Variants in PRR14L observed in about 807,000 individuals in gnomAD.
PRR14L encodes protein PRR14L.
PRR14L carries 80 observed loss-of-function variants against 155.0 expected under a neutral mutation model. The ratio of observed to expected loss-of-function variants is 0.52; its 90% CI spans 0.43 to 0.62. PRR14L has a LOEUF of 0.62. Ranked by LOEUF, PRR14L falls within the 20% of genes least tolerant of loss-of-function variation. The probability of loss-of-function intolerance (pLI) is 0.00; values close to 1 mark genes in which losing one functional copy is unlikely to be tolerated. For synonymous variants in PRR14L, 883 were observed against 916.0 expected, an observed-to-expected ratio of 0.96 and a Z score of 0.65; for missense variants, 2,469 against 2,548.0, an observed-to-expected ratio of 0.97 and a Z score of 0.67.
chr22:31,701,855 T>C (rs986104657), intron 6 of PRR14L, 93 bp from the exon 7 acceptor site: 1 of 868,392 alleles, frequency 1.2e-6, no homozygotes, highest in Non-Finnish European at 1.8e-6. Context: ...TGGCCCAGGC[T>C]GGTGTGAAGT....
chr22:31,726,535 G>A (rs979571607), intron 2 of PRR14L, among the ~76,000 whole-genome samples: 6 of 152,144 alleles, frequency 3.9e-5, no homozygotes, highest in Non-Finnish European at 7.3e-5. Flanking sequence ...CCAAAGAGCT[G>A]GGATTAAAGG....
rs2074635069 is a variant in PRR14L at position 31,713,401 on chromosome 22, T to G, written c.4438A>C (p.Thr1480Pro). The G allele has an allele frequency of 1.3e-6, 2 of 1,551,818 alleles. No homozygotes were observed. Among genetic ancestry groups the G allele is most frequent in the Admixed American group, 2.0e-5 (1 of 50,974 alleles). Residue 1480 changes from threonine to proline, a missense_variant, in exon 4 of 9, where the codon ACT (threonine) becomes CCT (proline). Coordinates refer to ENST00000327423, the MANE Select transcript of PRR14L (RefSeq NM_173566.3). Reference sequence around the variant, plus strand: ...AGGCAAGGACTTGTGCATGACTCAGTGTCCTTCCTTAATGGATGATGTAAC... The same window carrying G: ...AGGCAAGGACTTGTGCATGACTCAGGGTCCTTCCTTAATGGATGATGTAAC... Reference protein sequence around the residue: ...ERLHHPLRKDTESCTSPCLLG... With the variant: ...ERLHHPLRKDPESCTSPCLLG...
chr22:31,714,774 T>A lies in PRR14L; in HGVS notation c.3065A>T (p.Asn1022Ile). 1.9e-6 allele frequency: 3 copies of A among 1,552,374 alleles called. No homozygotes were observed. Among genetic ancestry groups the A allele is most frequent in the Non-Finnish European group, 2.6e-6 (3 of 1,147,136 alleles). ...TGGACTACCACAAGGTAGTGAGTTA[T>A]TACTGCCTGAGCTGACCAGCAGATC... ...QKDLLVSSGS[N>I]NSLPCGSPKK... The change falls in exon 4 of 9, where the codon AAT (asparagine) becomes ATT (isoleucine). Residue 1022 changes from asparagine (N) to isoleucine (I), a missense_variant. By Grantham distance (149) the Asn-to-Ile change is moderately radical. This residue lies in a region of PRR14L where 2,363 missense variants were observed against 2,371.6 expected (regional missense o/e 1.00). Transcript: ENST00000327423.
At chr22:31,711,546 C>T (rs1345414084) in intron 4 of PRR14L, among the ~76,000 whole-genome samples, 5 of 151,584 alleles carry the variant, frequency 3.3e-5, no homozygotes, top group Admixed American at 6.6e-5. Flanking sequence ...TTTGGGAGGC[C>T]GAGGCAGGTG....
chr22:31,748,169 G>C (rs2074850753), intron 1 of PRR14L, among the ~76,000 whole-genome samples: 1 of 152,164 alleles, frequency 6.6e-6, no homozygotes, highest in Non-Finnish European at 1.5e-5. Context: ...TTTTCACCTT[G>C]AGAAAGGGGC....
At chr22:31,725,132 A>T (rs1264866984) in intron 3 of PRR14L, among the ~76,000 whole-genome samples, 2 of 152,186 alleles carry the variant, frequency 1.3e-5, no homozygotes, top group Non-Finnish European at 2.9e-5. Context: ...GCGGTGGCTC[A>T]TGCCTGTAAT....
chr22:31,710,717 G>A (rs1045622366), intron 4 of PRR14L, among the ~76,000 whole-genome samples: 3 of 152,242 alleles, frequency 2.0e-5, no homozygotes, highest in African/African-American at 7.2e-5. Flanking sequence ...GCCTCCCAAA[G>A]CGCTGGGATT....
At position 31,714,226 on chromosome 22, in the gene PRR14L, T is replaced by C; in HGVS notation, c.3613A>G (p.Asn1205Asp). The C allele has an allele frequency of 1.9e-6, 3 of 1,551,654 alleles. No individual in the cohort carries two copies. Among genetic ancestry groups the C allele is most frequent in the Non-Finnish European group, 2.6e-6 (3 of 1,146,984 alleles). ...GTACTTTCTTTGCCAAACTCAGAGTTTGGTTCTAGTCTTGATCCTTCAGTC... is the reference window on the plus strand; with the variant it reads ...GTACTTTCTTTGCCAAACTCAGAGTCTGGTTCTAGTCTTGATCCTTCAGTC... ...EMTEGSRLEPNSEFGKESTFG... is the reference protein window; with the variant it reads ...EMTEGSRLEPDSEFGKESTFG... Residue 1205 changes from asparagine to aspartate, a missense_variant, in exon 4 of 9, where the codon AAC becomes GAC. Coordinates refer to ENST00000327423, the MANE Select transcript of PRR14L (RefSeq NM_173566.3).
At position 31,710,729 on chromosome 22, in the gene PRR14L, T is replaced by C. The variant is rs1216006261; in HGVS notation, c.5756+1354A>G. ...TCGGCCTCCCAAAGCGCTGGGATTA[T>C]AGGTGTAAGCCACCATACCTGGCCA... On this transcript the variant is annotated intron_variant, in intron 4 of 8. Coordinates refer to ENST00000327423, the MANE Select transcript of PRR14L (RefSeq NM_173566.3). Among the ~76,000 whole-genome samples the C allele has an allele frequency of 2.6e-5, 4 of 152,176 alleles. No individual in the cohort carries two copies. The East Asian group carries it at 5.8e-4, about 22-fold the overall frequency.
At position 31,713,498 on chromosome 22, in the gene PRR14L, G is replaced by A; in HGVS notation, c.4341C>T (p.Ile1447=). The A allele has an allele frequency of 6.4e-7, 1 of 1,552,054 alleles. No homozygotes were observed. The highest frequency in any genetic ancestry group is 8.7e-7 in the Non-Finnish European group (1 of 1,147,066). ...DKDESTMINE[I]TLAKLAKDSI... is the part of the protein sequence containing the mutation. Reference sequence around the variant, plus strand: ...TGTCCTTGGCCAGCTTTGCTAGGGTGATTTCATTGATCATGGTGGACTCAT... The same window carrying A: ...TGTCCTTGGCCAGCTTTGCTAGGGTAATTTCATTGATCATGGTGGACTCAT... The change falls in exon 4 of 9, where the codon ATC becomes ATT. Residue 1447 remains isoleucine, a synonymous_variant. Coordinates refer to ENST00000327423, the MANE Select transcript of PRR14L (RefSeq NM_173566.3).
chr22:31,736,598 G>A (rs1461100503), intron 2 of PRR14L, among the ~76,000 whole-genome samples: 1 of 152,176 alleles, frequency 6.6e-6, no homozygotes, highest in African/African-American at 2.4e-5. Context: ...ACCTGATGGT[G>A]GGTCTAGAGC....
At position 31,707,388 on chromosome 22, in the gene PRR14L, A is replaced by G. The variant is rs188153103; in HGVS notation, c.5757-2662T>C. Among the ~76,000 whole-genome samples, 439 of 151,444 alleles carry G rather than the reference A, an allele frequency of 2.9e-3. 3 individuals carry two copies. The highest frequency in any genetic ancestry group is 9.5e-3 in the African/African-American group (394 of 41,342). ...CAGTTTGGAGGAAGTGGCACAACCTATTTTTTTTGGGAGACGGAGACTCGC... is the reference window on the plus strand; with the variant it reads ...CAGTTTGGAGGAAGTGGCACAACCTGTTTTTTTTGGGAGACGGAGACTCGC... On this transcript the variant is annotated intron_variant, in intron 4 of 8. Transcript: ENST00000327423.
At chr22:31,692,807 ATTTTAT>A (rs2074517769) in intron 7 of PRR14L, among the ~76,000 whole-genome samples, 10 of 151,056 alleles carry the variant, frequency 6.6e-5, no homozygotes, top group Admixed American at 6.6e-4. Context: ...TGCCTGGTTC[ATTTTAT>A]TTTTATTTTT....
chr22:31,738,426 T>C lies in PRR14L; in HGVS notation c.435A>G (p.Gln145=), dbSNP rs752191001. 48 of 1,552,412 alleles carry C rather than the reference T, an allele frequency of 3.1e-5. No homozygotes were observed. The highest frequency in any genetic ancestry group is 3.9e-5 in the Non-Finnish European group (45 of 1,147,144). ...PSEGAKEDPH[Q]HSTAAEEKTS... is the part of the protein sequence containing the mutation. ...TCTTTTCTTCAGCAGCTGTGGAATG[T>C]TGATGTGGATCTTCCTTTGCTCCCT... Residue 145 remains glutamine (Q), a synonymous_variant, in exon 2 of 9, where the codon CAA becomes CAG. Coordinates refer to ENST00000327423, the MANE Select transcript of PRR14L (RefSeq NM_173566.3).
intron 7 of PRR14L, among the ~76,000 whole-genome samples, chr22:31,693,528 T>C (rs886276155): frequency 2.0e-5 from 3 of 152,238 alleles, no homozygotes; most frequent in African/African-American, 7.2e-5. Flanking sequence ...AAAGCTGCTA[T>C]GAACATTTAT....
intron 2 of PRR14L, among the ~76,000 whole-genome samples, chr22:31,730,777 T>C (rs131245): frequency 0.32 from 48,324 of 152,052 alleles, 8,794 homozygotes; most frequent in African/African-American, 0.51. Context: ...CCAAACAGTG[T>C]TTTTTCTATT....
Position 31,691,929 on chromosome 22 carries a change from A to G in PRR14L, c.6108-3702T>C, listed in dbSNP as rs150242661. ...ATCACCCAGGCTGGAGTGCAGTGGC[A>G]TGATCTTAGCTCACTGCAACCTCCA... On this transcript the variant is annotated intron_variant, in intron 7 of 8. Transcript: ENST00000327423. Among the ~76,000 whole-genome samples the G allele has an allele frequency of 2.7e-3, 406 of 150,902 alleles. 1 individual carries two copies. The highest frequency in any genetic ancestry group is 4.3e-3 in the Non-Finnish European group (293 of 67,842).
At chr22:31,719,408 T>G (rs1251475702) in intron 3 of PRR14L, among the ~76,000 whole-genome samples, 1 of 150,780 alleles carries the variant, frequency 6.6e-6, no homozygotes, top group Admixed American at 6.6e-5. Flanking sequence ...TAAGCGACCT[T>G]GTCTCAAAAA....
At chr22:31,706,241 G>C (rs2074590259) in intron 4 of PRR14L, among the ~76,000 whole-genome samples, 1 of 149,588 alleles carries the variant, frequency 6.7e-6, no homozygotes, top group South Asian at 2.1e-4. Flanking sequence ...TGAGGCAGGA[G>C]AATTGCTTGA....
Sources: gnomAD v4.1 joint callset for allele counts (sites outside exome capture counted in the v4.1 genomes callset) on GRCh38, gnomAD v4.1.1 for gene constraint, gnomAD v4.1.1 regional missense constraint, MANE v1.5 for transcripts, NCBI Gene and HGNC (gene_info 2026-07-23, HGNC 2026-07-21) for gene names.